MAP2K5: variants seen among roughly 807,000 people sequenced by gnomAD.
MAP2K5 encodes the protein mitogen-activated protein kinase kinase 5, also known as dual specificity mitogen-activated protein kinase kinase 5.
Under a neutral mutation model 83.1 loss-of-function variants are expected in MAP2K5, and 49 were observed. That is an observed-to-expected ratio of 0.59 (90% CI 0.47 to 0.75). The LOEUF (loss-of-function observed/expected upper bound fraction) is 0.75. Among genes scored for constraint, MAP2K5 ranks in the 30% least tolerant of loss-of-function variants. The pLI is 0.00. For missense variants in MAP2K5, 457 were observed against 557.5 expected, an observed-to-expected ratio of 0.82 and a Z score of 1.82; for synonymous variants, 202 against 191.8, an observed-to-expected ratio of 1.05 and a Z score of -0.44.
intron 13 of MAP2K5, among the ~76,000 whole-genome samples, chr15:67,678,853 A>G (rs1433278690): frequency 2.0e-5 from 3 of 151,414 alleles, no homozygotes; most frequent in African/African-American, 7.3e-5. Flanking sequence ...AGTCCCAGCT[A>G]CTCAGGAGGC....
Position 67,595,284 on chromosome 15 carries a change from A to C in MAP2K5, c.480+2310A>C, listed in dbSNP as rs374352802. On this transcript the variant is annotated intron_variant, in intron 7 of 21. Coordinates refer to ENST00000178640, the MANE Select transcript of MAP2K5 (RefSeq NM_145160.3). Reference sequence around the variant, plus strand: ...TGCCACCAATTGATTCAGCATTGATATAGTGTCAACAGTTCATAAGAAACA... The same window carrying C: ...TGCCACCAATTGATTCAGCATTGATCTAGTGTCAACAGTTCATAAGAAACA... Among the ~76,000 whole-genome samples the C allele has an allele frequency of 2.6e-5, 4 of 152,194 alleles. No individual in the cohort carries two copies. In the East Asian group the frequency reaches 7.7e-4, roughly 29 times the overall value.
At chr15:67,699,013 G>A (rs560281011) in intron 15 of MAP2K5, among the ~76,000 whole-genome samples, 45 of 152,168 alleles carry the variant, frequency 3.0e-4, no homozygotes, top group African/African-American at 1.1e-3. Context: ...TTAACCCAAG[G>A]TCTCAGAGTT....
At chr15:67,759,189 T>C (rs1030920399) in intron 19 of MAP2K5, among the ~76,000 whole-genome samples, 1 of 152,030 alleles carries the variant, frequency 6.6e-6, no homozygotes, top group Non-Finnish European at 1.5e-5. Context: ...CACTGGGGTA[T>C]GAAAATAGCC....
At chr15:67,766,551 C>T (rs138417718) in intron 19 of MAP2K5, among the ~76,000 whole-genome samples, 2 of 152,274 alleles carry the variant, frequency 1.3e-5, no homozygotes, top group African/African-American at 2.4e-5. Flanking sequence ...CTGAACTCCT[C>T]GGGATGACTA....
chr15:67,546,004 C>T (rs1269773977), intron 1 of MAP2K5: 1 of 152,190 alleles, frequency 6.6e-6, no homozygotes, highest in Non-Finnish European at 1.5e-5. Flanking sequence ...CACTAGAGCT[C>T]AGCATGCCAG....
intron 9 of MAP2K5, among the ~76,000 whole-genome samples, chr15:67,634,870 C>G (rs1052559345): frequency 2.0e-5 from 3 of 151,892 alleles, no homozygotes; most frequent in African/African-American, 7.3e-5. Flanking sequence ...ATGATCTCTG[C>G]TTTTTAAGTG....
chr15:67,611,213 C>G (rs1320646957), intron 8 of MAP2K5, among the ~76,000 whole-genome samples: 1 of 152,130 alleles, frequency 6.6e-6, no homozygotes, highest in Non-Finnish European at 1.5e-5. Flanking sequence ...ATATATTTTA[C>G]ATGGCCTCAG....
rs1258400186 is a variant in MAP2K5 at position 67,543,384 on chromosome 15, C to G, written c.49C>G (p.Leu17Val). 6.2e-7 allele frequency: 1 copy of G among 1,614,080 alleles called. No individual in the cohort carries two copies. Among genetic ancestry groups the G allele is most frequent in the Non-Finnish European group, 8.5e-7 (1 of 1,180,032 alleles). ...GPFPAMENQV[L>V]VIRIKIPNSG... ...CTTTCCTGCCATGGAGAACCAGGTG[C>G]TGGTAATTCGCATCAAGATCCCAAA... Residue 17 changes from leucine to valine, a missense_variant, in exon 1 of 22, where the codon CTG (leucine) becomes GTG (valine). This residue lies in a region of MAP2K5 where 234 missense variants were observed against 243.6 expected (regional missense o/e 0.96). Coordinates refer to ENST00000178640, the MANE Select transcript of MAP2K5 (RefSeq NM_145160.3). The surrounding 1 kb of genome is among the most constrained non-coding windows in gnomAD (Gnocchi z 4.3).
chr15:67,616,553 C>G (rs1034085991), intron 8 of MAP2K5, among the ~76,000 whole-genome samples: 1 of 152,164 alleles, frequency 6.6e-6, no homozygotes, highest in Non-Finnish European at 1.5e-5. Context: ...GCTGTGAAAT[C>G]TTTGCATGGA....
chr15:67,612,804 G>T (rs893259062), intron 8 of MAP2K5, among the ~76,000 whole-genome samples: 4 of 152,312 alleles, frequency 2.6e-5, no homozygotes, highest in African/African-American at 9.6e-5. Flanking sequence ...TGATGAAACT[G>T]TTCAATTAAA....
In MAP2K5 at chr15:67,593,688, G is replaced by A. The variant is rs545709783; in HGVS notation, c.480+714G>A. Reference sequence around the variant, plus strand: ...CCCTTTGATAGCCTTGGAGGCAGGCGCCTGTCCATTGCGATCAAGCCTGCC... The same window carrying A: ...CCCTTTGATAGCCTTGGAGGCAGGCACCTGTCCATTGCGATCAAGCCTGCC... On this transcript the variant is annotated intron_variant, in intron 7 of 21. Coordinates refer to ENST00000178640, the MANE Select transcript of MAP2K5 (RefSeq NM_145160.3). Among the ~76,000 whole-genome samples the A allele has an allele frequency of 5.9e-5, 9 of 152,320 alleles. No homozygotes were observed. The South Asian group carries it at 8.3e-4, about 14-fold the overall frequency.
chr15:67,675,485 ATCC>A (rs891545659), intron 13 of MAP2K5, among the ~76,000 whole-genome samples: 7 of 152,162 alleles, frequency 4.6e-5, no homozygotes, highest in Non-Finnish European at 8.8e-5. Context: ...AAGATGAGGA[ATCC>A]TCATGGTGAT....
chr15:67,690,002 T>G lies in MAP2K5; in HGVS notation c.848-2477T>G, dbSNP rs2088062967. Among the ~76,000 whole-genome samples the G allele has an allele frequency of 6.6e-6, 1 of 152,170 alleles. No homozygotes were observed. Among genetic ancestry groups the G allele is most frequent in the Admixed American group, 6.5e-5 (1 of 15,278 alleles). ...CAAATTTGTAAACTTTGTTAAAACA[T>G]TATGGGATTTTTGTGTGTGTGCCAT... On this transcript the variant is annotated intron_variant, in intron 13 of 21. Transcript: ENST00000178640. The surrounding 1 kb of genome is among the most constrained non-coding windows in gnomAD (Gnocchi z 4.3).
intron 8 of MAP2K5, among the ~76,000 whole-genome samples, chr15:67,621,236 C>T (rs11636945): frequency 0.12 from 18,385 of 151,644 alleles, 1,196 homozygotes; most frequent in South Asian, 0.18. Context: ...TACAACTGAA[C>T]CACAAATACC....
At chr15:67,776,562 A>G (rs1407743365) in intron 21 of MAP2K5, among the ~76,000 whole-genome samples, 1 of 152,202 alleles carries the variant, frequency 6.6e-6, no homozygotes, top group East Asian at 1.9e-4. Context: ...TCAATAATCA[A>G]ATGGAAGGAT....
In MAP2K5 at chr15:67,791,270, G is replaced by A. The variant is rs776347450; in HGVS notation, c.1243-15376G>A. 8.3e-4 allele frequency among the ~76,000 whole-genome samples: 127 copies of A among 152,190 alleles called. 1 individual carries two copies. Among genetic ancestry groups the A allele is most frequent in the Non-Finnish European group, 2.5e-4 (17 of 68,038 alleles). The stretch of plus-strand genomic sequence containing the variant: ...AGGGGCATTGGAGTTGAGGGATGAG[G>A]CAAAGACTGAAGGATCAAAGGGCTT... On this transcript the variant is annotated intron_variant, in intron 21 of 21. Coordinates refer to ENST00000178640, the MANE Select transcript of MAP2K5 (RefSeq NM_145160.3).
intron 21 of MAP2K5, among the ~76,000 whole-genome samples, chr15:67,798,590 A>G (rs1007296851): frequency 1.3e-5 from 2 of 152,158 alleles, no homozygotes; most frequent in Non-Finnish European, 2.9e-5. Flanking sequence ...TTTCTGGCCT[A>G]TTACTCTGTG....
chr15:67,546,719 C>A (rs1018141502), intron 1 of MAP2K5: 5 of 542,354 alleles, frequency 9.2e-6, no homozygotes, highest in Non-Finnish European at 1.2e-5. Flanking sequence ...CCAACCCTCT[C>A]CCCTCTTCTT....
chr15:67,800,352 A>G (rs534738576), intron 21 of MAP2K5, among the ~76,000 whole-genome samples: 107 of 152,220 alleles, frequency 7.0e-4, no homozygotes, highest in Non-Finnish European at 1.4e-3. Context: ...CATTGTAGAC[A>G]CTTCTTTTTA....
Sources: gnomAD v4.1 joint callset for allele counts (sites outside exome capture counted in the v4.1 genomes callset) on GRCh38, gnomAD v4.1.1 for gene constraint, gnomAD v4.1.1 regional missense constraint, Gnocchi (gnomAD v3.1) non-coding constraint, MANE v1.5 for transcripts, NCBI Gene and HGNC (gene_info 2026-07-23, HGNC 2026-07-21) for gene names.